Variants in DPP10 observed in about 807,000 individuals in gnomAD.
DPP10 encodes dipeptidyl peptidase like 10, also known as inactive dipeptidyl peptidase 10.
DPP10 carries 33 observed loss-of-function variants against 120.9 expected under a neutral mutation model. The ratio of observed to expected loss-of-function variants is 0.27; its 90% CI spans 0.21 to 0.37. The LOEUF (loss-of-function observed/expected upper bound fraction) is 0.37, where lower values mean the gene tolerates loss of function less well. Among genes scored for constraint, DPP10 ranks in the 10% least tolerant of loss-of-function variants. The probability of loss-of-function intolerance (pLI) is 1.00; values close to 1 mark genes in which losing one functional copy is unlikely to be tolerated. For missense variants in DPP10, 816 were observed against 942.8 expected (o/e 0.87, Z 1.76); for synonymous variants, 337 against 326.1 (o/e 1.03, Z -0.36).
At position 115,587,301 on chromosome 2, in the gene DPP10, C is replaced by T. The variant is rs1055676961; in HGVS notation, c.441+61329C>T. ...GTTTAGTAGAGACTGGGTTTCACCA[C>T]GTTAGCCAGGGTGGTCTCGATCTCC... On this transcript the variant is annotated intron_variant, in intron 5 of 25. Transcript: ENST00000410059. 4.0e-5 allele frequency among the ~76,000 whole-genome samples: 6 copies of T among 151,664 alleles called. No individual in the cohort carries two copies. In the South Asian group the frequency reaches 6.2e-4, roughly 16 times the overall value.
intron 1 of DPP10, among the ~76,000 whole-genome samples, chr2:114,655,828 C>A (rs187627882): frequency 2.1e-4 from 32 of 152,088 alleles, no homozygotes; most frequent in African/African-American, 7.7e-4. Flanking sequence ...GGTAAGGATT[C>A]ATTACAAAGG....
chr2:114,783,923 T>C (rs1383002364), intron 1 of DPP10, among the ~76,000 whole-genome samples: 1 of 152,044 alleles, frequency 6.6e-6, no homozygotes, highest in Non-Finnish European at 1.5e-5. Flanking sequence ...AGACAGAGCC[T>C]CCTTTTGTGC....
intron 1 of DPP10, among the ~76,000 whole-genome samples, chr2:114,536,385 C>CTTCT (rs1232258442): frequency 6.7e-6 from 1 of 149,290 alleles, no homozygotes; most frequent in South Asian, 2.1e-4. Context: ...TTTTTCTTTC[C>CTTCT]TTCTTTCTTT....
intron 9 of DPP10, among the ~76,000 whole-genome samples, chr2:115,740,385 A>C (rs896715973): frequency 2.0e-5 from 3 of 152,186 alleles, no homozygotes; most frequent in Admixed American, 2.0e-4. Context: ...TAGACTATGC[A>C]TAAAGAATCT....
chr2:114,892,288 G>A lies in DPP10; in HGVS notation c.61-416951G>A, dbSNP rs536220084. On this transcript the variant is annotated intron_variant, in intron 1 of 25. Transcript: ENST00000410059. ...GTACATCAGTGTGGTAAGATATTTT[G>A]TATTAACCATCTGCCTCTGCTACCC... Among the ~76,000 whole-genome samples the A allele has an allele frequency of 3.3e-5, 5 of 152,224 alleles. No individual in the cohort carries two copies. In the East Asian group the frequency reaches 5.8e-4, roughly 18 times the overall value.
chr2:114,686,456 T>C (rs1030928399), intron 1 of DPP10, among the ~76,000 whole-genome samples: 1 of 151,774 alleles, frequency 6.6e-6, no homozygotes, highest in African/African-American at 2.4e-5. Context: ...CCAGAATATA[T>C]CTATAGATGT....
chr2:115,287,951 G>T (rs929549740), intron 1 of DPP10, among the ~76,000 whole-genome samples: 1 of 152,000 alleles, frequency 6.6e-6, no homozygotes, highest in African/African-American at 2.4e-5. Flanking sequence ...CTATATCTTT[G>T]CAATTGTGAA....
intron 19 of DPP10, among the ~76,000 whole-genome samples, chr2:115,791,605 G>T (rs1161881620): frequency 2.6e-5 from 4 of 152,166 alleles, no homozygotes; most frequent in Non-Finnish European, 5.9e-5. Flanking sequence ...ACACTAAATA[G>T]TTTGATTTGT....
chr2:115,672,929 A>G (rs1028159736), intron 5 of DPP10, among the ~76,000 whole-genome samples: 5 of 151,544 alleles, frequency 3.3e-5, no homozygotes, highest in African/African-American at 4.8e-5. Context: ...TTGTATTTTT[A>G]GTAGAGACTG....
intron 5 of DPP10, among the ~76,000 whole-genome samples, chr2:115,570,055 G>A (rs954696415): frequency 1.3e-5 from 2 of 152,214 alleles, no homozygotes; most frequent in Non-Finnish European, 2.9e-5. Flanking sequence ...AAGGCTGATC[G>A]TCAAAGAAAA....
At chr2:115,771,793 A>G (rs1681507299) in intron 13 of DPP10, among the ~76,000 whole-genome samples, 1 of 152,172 alleles carries the variant, frequency 6.6e-6, no homozygotes, top group Non-Finnish European at 1.5e-5. Context: ...CCTATGTTTG[A>G]GAGCTTACTA....
At chr2:115,483,034 A>G (rs2075534330) in intron 3 of DPP10, among the ~76,000 whole-genome samples, 1 of 152,058 alleles carries the variant, frequency 6.6e-6, no homozygotes, top group African/African-American at 2.4e-5. Context: ...GGAAATTTTA[A>G]TATTTTCTTC....
chr2:114,511,400 C>G (rs1684136043), intron 1 of DPP10, among the ~76,000 whole-genome samples: 1 of 152,256 alleles, frequency 6.6e-6, no homozygotes, highest in South Asian at 2.1e-4. Flanking sequence ...TAAATACAGA[C>G]AGAACTGTCA....
chr2:114,495,612 C>T (rs772497080), intron 1 of DPP10, among the ~76,000 whole-genome samples: 25 of 152,004 alleles, frequency 1.6e-4, no homozygotes, highest in Admixed American at 3.3e-4. Context: ...TAAGACATTG[C>T]AAAGGGAGGT....
intron 1 of DPP10, among the ~76,000 whole-genome samples, chr2:115,184,966 G>A (rs771557972): frequency 5.3e-5 from 8 of 152,116 alleles, no homozygotes; most frequent in Non-Finnish European, 1.0e-4. Context: ...CATTGCTTGA[G>A]GAAAACTAAA....
At chr2:115,423,352 C>T (rs2070159190) in intron 3 of DPP10, among the ~76,000 whole-genome samples, 1 of 152,046 alleles carries the variant, frequency 6.6e-6, no homozygotes, top group African/African-American at 2.4e-5. Flanking sequence ...CTGTATGGTA[C>T]ATATTCTTAT....
At chr2:115,196,065 A>G (rs910607894) in intron 1 of DPP10, among the ~76,000 whole-genome samples, 8 of 152,214 alleles carry the variant, frequency 5.3e-5, no homozygotes, top group African/African-American at 1.9e-4. Flanking sequence ...AAAAGTATAC[A>G]TCTCATTGAA....
intron 1 of DPP10, among the ~76,000 whole-genome samples, chr2:115,023,871 G>A (rs1209757642): frequency 1.3e-5 from 2 of 152,038 alleles, no homozygotes; most frequent in Admixed American, 6.6e-5. Flanking sequence ...AACCTGGATG[G>A]AATTGGAGAC....
chr2:115,341,173 T>G (rs2106243833), intron 2 of DPP10, among the ~76,000 whole-genome samples: 1 of 152,284 alleles, frequency 6.6e-6, no homozygotes, highest in South Asian at 2.1e-4. Context: ...ACTTATCCTT[T>G]TATCGCAAAT....
Sources: allele counts gnomAD v4.1 joint callset (sites outside exome capture counted in the v4.1 genomes callset), GRCh38; gene constraint gnomAD v4.1.1; transcripts MANE v1.5; gene names NCBI Gene and HGNC (gene_info 2026-07-23, HGNC 2026-07-21).